Variants in SMCHD1 observed in about 807,000 individuals in gnomAD.
SMCHD1 encodes structural maintenance of chromosomes flexible hinge domain-containing protein 1.
In SMCHD1, 78 loss-of-function variants were observed where a neutral mutation model predicts 254.7. The ratio of observed to expected loss-of-function variants is 0.31; its 90% confidence interval spans 0.26 to 0.37. The LOEUF (loss-of-function observed/expected upper bound fraction) is 0.37, where lower values mean the gene tolerates loss of function less well. Ranked by LOEUF, SMCHD1 falls within the 10% of genes least tolerant of loss-of-function variation. The probability of loss-of-function intolerance (pLI) is 1.00; values close to 1 mark genes in which losing one functional copy is unlikely to be tolerated. For synonymous variants in SMCHD1, 766 were observed against 794.9 expected, an observed-to-expected ratio of 0.96 and a Z score of 0.61; for missense variants, 1,840 against 2,408.1, an observed-to-expected ratio of 0.76 and a Z score of 4.94.
intron 5 of SMCHD1, among the ~76,000 whole-genome samples, chr18:2,685,101 TC>T (rs200863814): frequency 0.013 from 1,741 of 129,086 alleles, 197 homozygotes; most frequent in Middle Eastern, 0.028. Flanking sequence ...CTTATTTTTT[TC>T]TTTTTTTTTT....
chr18:2,707,436 A>AAT, intron 15 of SMCHD1, 127 bp from the exon 16 acceptor site: 1 of 506,680 alleles, frequency 2.0e-6, no homozygotes, highest in East Asian at 3.5e-5. Context: ...AATCGTAAAG[A>AAT]ATTCCAGATT....
rs1423626288 is a variant in SMCHD1, at chr18:2,804,910, A to ACAAT, written c.*2361_*2364dup. The ACAAT allele has an allele frequency of 1.3e-5, 2 of 152,236 alleles. No homozygotes were observed. The highest frequency in any genetic ancestry group is 6.5e-5 in the Admixed American group (1 of 15,290). The allele number at this position is 152,236 out of a possible 1,614,324, so 9.4% of individuals were successfully genotyped here. The stretch of plus-strand genomic sequence containing the variant: ...ATAATCTGAAATTTGTCACAATGTT[A>ACAAT]CAATCAGGAAGTTTTTTTTCTGGTT... On this transcript the variant is annotated 3_prime_UTR_variant, in exon 48 of 48. Transcript: ENST00000320876.
chr18:2,668,677 G>T (rs533078234), intron 3 of SMCHD1, among the ~76,000 whole-genome samples: 3 of 152,110 alleles, frequency 2.0e-5, no homozygotes, highest in Non-Finnish European at 4.4e-5. Flanking sequence ...CCAGAGAGTT[G>T]AATGCATTCG....
chr18:2,667,652 C>A (rs2073476143), intron 3 of SMCHD1, among the ~76,000 whole-genome samples: 1 of 152,080 alleles, frequency 6.6e-6, no homozygotes, highest in African/African-American at 2.4e-5. Context: ...CATAGATAAG[C>A]AAATAGAACA....
chr18:2,762,270 T>C (rs1829861585), intron 36 of SMCHD1, 34 bp downstream of exon 36: 1 of 1,602,934 alleles, frequency 6.2e-7, no homozygotes, highest in Non-Finnish European at 8.5e-7. Flanking sequence ...CTGCGAAGGG[T>C]AACAAGAAAA....
At chr18:2,728,403 G>T in intron 22 of SMCHD1, 54 bp from the exon 23 acceptor site, 1 of 1,530,500 alleles carries the variant, frequency 6.5e-7, no homozygotes, top group East Asian at 2.3e-5. Flanking sequence ...TGCTATTTCA[G>T]TACTTTAGTC....
chr18:2,784,685 C>T (rs1247288612), intron 45 of SMCHD1, 64 bp downstream of exon 45: 2 of 1,427,446 alleles, frequency 1.4e-6, no homozygotes, highest in African/African-American at 1.4e-5. Context: ...TTTCTAAGAG[C>T]TTATGTTTTG....
Position 2,718,274 on chromosome 18 carries a change from T to G in SMCHD1, c.2338+39T>G. The G allele has an allele frequency of 6.2e-7, 1 of 1,608,386 alleles. No homozygotes were observed. Among genetic ancestry groups the G allele is most frequent in the Non-Finnish European group, 8.5e-7 (1 of 1,177,066 alleles). On this transcript the variant is annotated intron_variant, in intron 18 of 47. Coordinates refer to ENST00000320876, the MANE Select transcript of SMCHD1 (RefSeq NM_015295.3). The surrounding 1 kb of genome is among the most constrained non-coding windows in gnomAD (Gnocchi z 4.6). ...CTGAATGTTAAAAAATACATTGGTA[T>G]TGTGTTGACTTGATTTTTAATTTCT... is the stretch of plus-strand genomic sequence containing the variant.
In SMCHD1 at chr18:2,738,516, T is replaced by C. The variant is rs1406457804; in HGVS notation, c.3396T>C (p.His1132=). 1 of 1,612,546 alleles carries C rather than the reference T, an allele frequency of 6.2e-7. No individual in the cohort carries two copies. The highest frequency in any genetic ancestry group is 8.5e-7 in the Non-Finnish European group (1 of 1,179,354). ...GCCAGGTTTCATTCCAAGATGATCA[T>C]GTGTCTTTGGAAAGTGCGTTTACAG... is the stretch of plus-strand genomic sequence containing the variant. ...RYCQVSFQDD[H]VSLESAFTVR... Residue 1132 remains histidine, a synonymous_variant, in exon 26 of 48, where the codon CAT becomes CAC. Transcript: ENST00000320876.
Position 2,674,021 on chromosome 18 carries a change from G to T in SMCHD1, c.514G>T (p.Asp172Tyr). The change falls in exon 5 of 48, where the codon GAT (aspartate) becomes TAT (tyrosine). Residue 172 changes from aspartate to tyrosine, a missense_variant. Physicochemically the swap from Asp to Tyr is radical, Grantham distance 160. Around this residue, in one of 9 missense-constraint regions of SMCHD1, gnomAD observed 498 missense variants for 743.5 expected, o/e 0.67. Transcript: ENST00000320876. ...VRRIQIKLLFDETQGKPAVAV... is the reference protein window; with the variant it reads ...VRRIQIKLLFYETQGKPAVAV... ...AACTTATTTTGTTTCATAGCTTTTT[G>T]ATGAAACACAAGGAAAACCTGCTGT... The T allele has an allele frequency of 6.3e-7, 1 of 1,581,264 alleles. No homozygotes were observed. The highest frequency in any genetic ancestry group is 1.2e-5 in the South Asian group (1 of 85,382).
At chr18:2,761,438 G>A (rs1401729049) in intron 35 of SMCHD1, among the ~76,000 whole-genome samples, 1 of 152,032 alleles carries the variant, frequency 6.6e-6, no homozygotes, top group African/African-American at 2.4e-5. Context: ...AATGAAAGTT[G>A]GAAATTAAAA....
At chr18:2,787,786 T>C (rs867823937) in intron 45 of SMCHD1, among the ~76,000 whole-genome samples, 3 of 152,196 alleles carry the variant, frequency 2.0e-5, no homozygotes, top group Admixed American at 6.5e-5. Context: ...CCGTTTAAGG[T>C]TACTAATATA....
chr18:2,700,442 G>A (rs892033266), intron 10 of SMCHD1, 97 bp from the exon 11 acceptor site: 24 of 1,333,672 alleles, frequency 1.8e-5, no homozygotes, highest in Middle Eastern at 4.6e-4. Context: ...CTACCTTTAG[G>A]TTTTATAGAA....
intron 45 of SMCHD1, among the ~76,000 whole-genome samples, chr18:2,795,027 A>T (rs571544170): frequency 1.5e-3 from 218 of 147,122 alleles, no homozygotes; most frequent in African/African-American, 5.1e-3. Context: ...GTGTGTTTTT[A>T]AAAAATTCTG....
chr18:2,733,313 C>T (rs1044534581), intron 25 of SMCHD1, among the ~76,000 whole-genome samples: 2 of 152,198 alleles, frequency 1.3e-5, no homozygotes, highest in East Asian at 3.9e-4. Flanking sequence ...CTCAGTAACC[C>T]GTTAAGAGAA....
intron 19 of SMCHD1, among the ~76,000 whole-genome samples, chr18:2,720,741 A>G (rs1199620701): frequency 6.6e-6 from 1 of 152,102 alleles, no homozygotes; most frequent in African/African-American, 2.4e-5. Context: ...TCCTATTTTC[A>G]ATAAACACTT....
chr18:2,762,036 TCTTCCCTTCCTCTTAAATG>T, intron 35 of SMCHD1, 50 bp from the exon 36 acceptor site: 1 of 1,318,888 alleles, frequency 7.6e-7, no homozygotes. Flanking sequence ...CATTGTTATG[TCTTCCCTTCCTCTTAAATG>T]CTAAAGCATC....
intron 44 of SMCHD1, 93 bp from the exon 45 acceptor site, chr18:2,784,357 C>A: frequency 9.1e-7 from 1 of 1,098,246 alleles, no homozygotes; most frequent in Non-Finnish European, 1.3e-6. Context: ...GTGATCCTGT[C>A]ATTTCTAATC....
intron 21 of SMCHD1, among the ~76,000 whole-genome samples, chr18:2,725,216 A>AT (rs2075002816): frequency 1.3e-5 from 2 of 151,900 alleles, no homozygotes; most frequent in African/African-American, 4.8e-5. Flanking sequence ...CATGAATTAA[A>AT]TATTTTTCAC....
Sources: gnomAD v4.1 joint callset for allele counts (sites outside exome capture counted in the v4.1 genomes callset) on GRCh38, gnomAD v4.1.1 for gene constraint, gnomAD v4.1.1 regional missense constraint, Gnocchi (gnomAD v3.1) non-coding constraint, MANE v1.5 for transcripts, NCBI Gene and HGNC (gene_info 2026-07-23, HGNC 2026-07-21) for gene names.